The following SOX30 variants were observed in gnomAD, a reference collection of about 807,000 sequenced individuals.
SOX30 encodes the protein transcription factor SOX-30.
A neutral mutation model predicts 58.6 loss-of-function variants in SOX30; 17 were observed. The ratio of observed to expected loss-of-function variants is 0.29; its 90% CI spans 0.20 to 0.44. SOX30 has a LOEUF of 0.44. Among genes scored for constraint, SOX30 ranks in the 20% least tolerant of loss-of-function variants. The probability of loss-of-function intolerance (pLI) is 1.00; values close to 1 mark genes in which losing one functional copy is unlikely to be tolerated. For missense variants in SOX30, 951 were observed against 965.8 expected, an observed-to-expected ratio of 0.98 and a Z score of 0.20; for synonymous variants, 421 against 400.2, an observed-to-expected ratio of 1.05 and a Z score of -0.62.
chr5:157,646,998 T>C (rs1759208146), intron 2 of SOX30, among the ~76,000 whole-genome samples, 182 bp from the exon 3 acceptor site: 2 of 152,166 alleles, frequency 1.3e-5, no homozygotes, highest in Non-Finnish European at 2.9e-5. Context: ...TTAACATACA[T>C]ATCCAAATAG....
In SOX30 at chr5:157,651,936, C is replaced by T. The variant is rs200496195; in HGVS notation, c.143G>A (p.Ser48Asn). The change falls in exon 1 of 5, where the codon AGT (serine) becomes AAT (asparagine). Residue 48 changes from serine (S) to asparagine (N), a missense_variant. This residue lies in a region of SOX30 where 363 missense variants were observed against 294.5 expected (regional missense o/e 1.23). Coordinates refer to ENST00000265007, the MANE Select transcript of SOX30 (RefSeq NM_178424.2). ...CCCGCACGACGAGGCCAAGGTCGCACTGGCTGCCGCGCTCAGTGTGGGAGA... is the reference window on the plus strand; with the variant it reads ...CCCGCACGACGAGGCCAAGGTCGCATTGGCTGCCGCGCTCAGTGTGGGAGA... ...PSSPTLSAAA[S>N]ATLASSCGEA... is the part of the protein sequence containing the mutation. 4.5e-4 allele frequency: 673 copies of T among 1,496,392 alleles called. 6 individuals carry two copies. In the African/African-American group the frequency reaches 8.3e-3, roughly 18 times the overall value. The allele number at this position is 1,496,392 out of a possible 1,614,324, so 92.7% of individuals were successfully genotyped here. A position where few individuals can be genotyped will look rare whatever the true frequency, so the allele number is the denominator to read the frequency against.
intron 4 of SOX30, among the ~76,000 whole-genome samples, chr5:157,632,121 T>C (rs1758829337): frequency 4.0e-5 from 6 of 148,682 alleles, no homozygotes; most frequent in Admixed American, 4.0e-4. Context: ...TAAGGCTATC[T>C]GAAGCAAGAC....
At chr5:157,644,287 A>G (rs1417455621) in intron 3 of SOX30, among the ~76,000 whole-genome samples, 1 of 152,194 alleles carries the variant, frequency 6.6e-6, no homozygotes, top group Non-Finnish European at 1.5e-5. Context: ...ATAAATCTTT[A>G]CTGACACTAC....
chr5:157,643,427 TATATAA>T lies in SOX30; in HGVS notation c.1387+3204_1387+3209del, dbSNP rs1050654184. Among the ~76,000 whole-genome samples the T allele has an allele frequency of 2.0e-5, 3 of 151,848 alleles. No homozygotes were observed. In the East Asian group the frequency reaches 5.8e-4, roughly 29 times the overall value. On this transcript the variant is annotated intron_variant, in intron 3 of 4. Coordinates refer to ENST00000265007, the MANE Select transcript of SOX30 (RefSeq NM_178424.2). ...AGAATGAGACTTTGTCTCAAAAATA[TATATAA>T]ATATAAATATTAAAAAATTTTTTTA...
At chr5:157,632,349 C>T (rs1758834080) in intron 4 of SOX30, among the ~76,000 whole-genome samples, 1 of 152,168 alleles carries the variant, frequency 6.6e-6, no homozygotes, top group Non-Finnish European at 1.5e-5. Flanking sequence ...TCTGGAGTTC[C>T]CTCTGTGCGT....
At chr5:157,664,927 T>C (rs1759643494) in intron 2 of SOX30, among the ~76,000 whole-genome samples, 1 of 152,172 alleles carries the variant, frequency 6.6e-6, no homozygotes, top group Non-Finnish European at 1.5e-5. Flanking sequence ...AGAATGGCGA[T>C]CATTAAAAAG....
In SOX30 at chr5:157,640,654, T is replaced by G. The variant is rs139817918; in HGVS notation, c.1388-1932A>C. The stretch of plus-strand genomic sequence containing the variant: ...CTATCGCCTGCATGTGCACAAGGGC[T>G]GCATGTGAGAATGGCCTCCTGGCAA... On this transcript the variant is annotated intron_variant, in intron 3 of 4. Transcript: ENST00000265007. 7.7e-4 allele frequency among the ~76,000 whole-genome samples: 117 copies of G among 152,318 alleles called. 1 individual carries two copies. Among genetic ancestry groups the G allele is most frequent in the South Asian group, 6.4e-3 (31 of 4,832 alleles).
At chr5:157,669,873 C>A (rs1759745407) in intron 1 of SOX30, among the ~76,000 whole-genome samples, 1 of 152,056 alleles carries the variant, frequency 6.6e-6, no homozygotes, top group African/African-American at 2.4e-5. Context: ...GGGGGTGGTT[C>A]TGAGGCTACT....
intron 1 of SOX30, among the ~76,000 whole-genome samples, chr5:157,649,704 C>T (rs1399509780): frequency 6.6e-6 from 1 of 152,066 alleles, no homozygotes; most frequent in African/African-American, 2.4e-5. Context: ...GCAGGAGAAT[C>T]GCTTGAACCC....
chr5:157,630,973 AT>A (rs938510593), intron 4 of SOX30, among the ~76,000 whole-genome samples: 2 of 134,032 alleles, frequency 1.5e-5, no homozygotes, highest in African/African-American at 5.6e-5. Flanking sequence ...TACACTATAT[AT>A]TTTTATATAT....
Position 157,626,410 on chromosome 5 carries a change from G to C in SOX30, c.2192C>G (p.Ser731Cys). The change falls in exon 5 of 5, where the codon TCT becomes TGT. Residue 731 changes from serine to cysteine, a missense_variant. Ser to Cys is a moderately radical substitution (Grantham distance 112, BLOSUM62 -1). Coordinates refer to ENST00000265007, the MANE Select transcript of SOX30 (RefSeq NM_178424.2). ...NVFTAPTSTPSSIQQVNVTDS... is the reference protein window; with the variant it reads ...NVFTAPTSTPCSIQQVNVTDS... ...GGTGACATTGACTTGCTGGATGCTA[G>C]AAGGAGTTGATGTCGGGGCTGTGAA... The C allele has an allele frequency of 6.2e-7, 1 of 1,614,100 alleles. No individual in the cohort carries two copies. The highest frequency in any genetic ancestry group is 8.5e-7 in the Non-Finnish European group (1 of 1,180,002).
chr5:157,655,610 T>C (rs1361481975), upstream of SOX30, among the ~76,000 whole-genome samples: 1 of 152,208 alleles, frequency 6.6e-6, no homozygotes, highest in African/African-American at 2.4e-5. Context: ...TGAGAGTCGA[T>C]GGGACTGCTG....
upstream of SOX30, among the ~76,000 whole-genome samples, chr5:157,653,703 G>A (rs776011301): frequency 6.6e-6 from 1 of 152,132 alleles, no homozygotes; most frequent in Non-Finnish European, 1.5e-5. Flanking sequence ...TTATCTTGAC[G>A]TAGATGATTT....
intron 1 of SOX30, chr5:157,667,970 A>G (rs1412317528): frequency 8.5e-7 from 1 of 1,171,130 alleles, no homozygotes; most frequent in African/African-American, 1.5e-5. Context: ...CCTATCTTAC[A>G]GGCAAGAAAA....
chr5:157,632,629 C>T (rs6883518), intron 4 of SOX30, among the ~76,000 whole-genome samples: 13,743 of 152,098 alleles, frequency 0.09, 713 homozygotes, highest in Middle Eastern at 0.15. Context: ...AAAGAAATGT[C>T]TGCATCCAGT....
At chr5:157,639,020 T>C (rs1758998072) in intron 3 of SOX30, among the ~76,000 whole-genome samples, 1 of 152,186 alleles carries the variant, frequency 6.6e-6, no homozygotes, top group Non-Finnish European at 1.5e-5. Flanking sequence ...AAACATTCTG[T>C]CTGGGGCAGA....
intron 4 of SOX30, among the ~76,000 whole-genome samples, chr5:157,634,504 C>T (rs1327372814): frequency 6.6e-6 from 1 of 151,910 alleles, no homozygotes; most frequent in Non-Finnish European, 1.5e-5. Flanking sequence ...CAGGCGTGAG[C>T]CACCACGCCC....
intron 2 of SOX30, chr5:157,667,724 G>A: frequency 6.6e-7 from 1 of 1,510,574 alleles, no homozygotes; most frequent in South Asian, 1.3e-5. Context: ...GGGCGACAGA[G>A]CGAGACTCCA....
intron 2 of SOX30, among the ~76,000 whole-genome samples, chr5:157,661,104 T>A (rs1162573592): frequency 2.6e-5 from 4 of 152,244 alleles, no homozygotes; most frequent in Non-Finnish European, 5.9e-5. Flanking sequence ...CAGTTGGTTG[T>A]ATGTTGATTT....
Sources: allele counts gnomAD v4.1 joint callset (sites outside exome capture counted in the v4.1 genomes callset), GRCh38; gene constraint gnomAD v4.1.1; regional missense constraint gnomAD v4.1.1; transcripts MANE v1.5; gene names NCBI Gene and HGNC (gene_info 2026-07-23, HGNC 2026-07-21).